The following GDAP2 variants were observed in gnomAD, a reference collection of about 807,000 sequenced individuals.
GDAP2 encodes the protein ganglioside induced differentiation associated protein 2, also known as ganglioside-induced differentiation-associated protein 2.
In GDAP2, 51 loss-of-function variants were observed where a neutral mutation model predicts 67.0. That is an observed-to-expected ratio of 0.76 (90% CI 0.61 to 0.96). The LOEUF is 0.96. GDAP2 is among the 40% of genes least tolerant of loss of function. GDAP2 has a pLI of 0.00. For synonymous variants in GDAP2, 203 were observed against 207.3 expected, an observed-to-expected ratio of 0.98 and a Z score of 0.18; for missense variants, 547 against 588.3, an observed-to-expected ratio of 0.93 and a Z score of 0.73.
At chr1:117,896,712 A>T in intron 8 of GDAP2, 121 bp downstream of exon 8, 2 of 636,112 alleles carry the variant, frequency 3.1e-6, no homozygotes, top group Non-Finnish European at 5.1e-6. Context: ...TTCCTCACTG[A>T]TTGTCATGAA....
chr1:117,925,400 C>T (rs1374085590), intron 1 of GDAP2, among the ~76,000 whole-genome samples: 1 of 152,086 alleles, frequency 6.6e-6, no homozygotes, highest in East Asian at 1.9e-4. Context: ...TTGCAGTGAG[C>T]TGAGATCACA....
chr1:117,928,519 C>A (rs562736460), intron 1 of GDAP2, among the ~76,000 whole-genome samples: 20 of 152,282 alleles, frequency 1.3e-4, no homozygotes, highest in African/African-American at 4.6e-4. Flanking sequence ...TAGTTTGTGG[C>A]CACAATTTCT....
intron 5 of GDAP2, 44 bp downstream of exon 5, chr1:117,911,950 T>A (rs1344483073): frequency 1.7e-6 from 2 of 1,173,174 alleles, no homozygotes; most frequent in African/African-American, 1.5e-5. Context: ...ATTTAAAAAA[T>A]TTTTAAGATT....
At chr1:117,890,448 T>C (rs1034121869) in intron 8 of GDAP2, among the ~76,000 whole-genome samples, 5 of 152,040 alleles carry the variant, frequency 3.3e-5, no homozygotes, top group African/African-American at 1.2e-4. Flanking sequence ...TTCAATGAAC[T>C]CTGAAAAAAA....
intron 1 of GDAP2, among the ~76,000 whole-genome samples, chr1:117,925,040 T>C (rs1557812708): frequency 6.6e-6 from 1 of 152,222 alleles, no homozygotes; most frequent in Non-Finnish European, 1.5e-5. Flanking sequence ...ACAAATCCAT[T>C]AAACACAAAC....
intron 8 of GDAP2, among the ~76,000 whole-genome samples, chr1:117,889,987 T>C (rs1649010682): frequency 6.6e-6 from 1 of 152,116 alleles, no homozygotes; most frequent in Non-Finnish European, 1.5e-5. Context: ...AATGAAATAA[T>C]AAACATGAGT....
chr1:117,923,199 T>C (rs1233031591), intron 1 of GDAP2, among the ~76,000 whole-genome samples: 1 of 152,200 alleles, frequency 6.6e-6, no homozygotes, highest in Admixed American at 6.5e-5. Context: ...ACACATGCTC[T>C]ACAAACAATT....
intron 3 of GDAP2, among the ~76,000 whole-genome samples, chr1:117,913,031 T>A (rs1025493083): frequency 1.4e-4 from 21 of 152,152 alleles, no homozygotes; most frequent in African/African-American, 4.8e-4. Flanking sequence ...AGCAAGTTGA[T>A]CTGTACTGAA....
At chr1:117,918,447 T>C (rs1650123548) in intron 3 of GDAP2, 150 bp downstream of exon 3, 1 of 606,598 alleles carries the variant, frequency 1.6e-6, no homozygotes, top group Admixed American at 3.1e-5. Context: ...TTTGTTAAAA[T>C]GGAGCTTTCA....
chr1:117,880,022 C>A (rs1167254885), intron 12 of GDAP2, among the ~76,000 whole-genome samples: 1 of 151,864 alleles, frequency 6.6e-6, no homozygotes, highest in East Asian at 1.9e-4. Context: ...TATAAAAATA[C>A]AAAATAAAAA....
In GDAP2 at chr1:117,876,875, A is replaced by G. The variant is rs150106620; in HGVS notation, c.1446+1134T>C. 4.0e-3 allele frequency among the ~76,000 whole-genome samples: 605 copies of G among 152,348 alleles called. 7 individuals carry two copies. The highest frequency in any genetic ancestry group is 0.014 in the African/African-American group (583 of 41,582). On this transcript the variant is annotated intron_variant, in intron 13 of 13. Transcript: ENST00000369443. ...TAAATGATAAATCCAGATACTAGCT[A>G]TGAATTGTCTTCAAAATTTTGAGTG... is the stretch of plus-strand genomic sequence containing the variant.
intron 8 of GDAP2, among the ~76,000 whole-genome samples, chr1:117,894,104 G>C (rs1184297138): frequency 6.6e-6 from 1 of 151,718 alleles, no homozygotes; most frequent in Admixed American, 6.6e-5. Flanking sequence ...AACACTGTGA[G>C]AGAATGTGAA....
At chr1:117,918,501 T>C (rs1650125668) in intron 3 of GDAP2, 96 bp downstream of exon 3, 3 of 836,308 alleles carry the variant, frequency 3.6e-6, no homozygotes, top group Non-Finnish European at 5.8e-6. Context: ...AACAGCTACA[T>C]CTACAAAATT....
At chr1:117,892,071 GA>G (rs1649106464) in intron 8 of GDAP2, among the ~76,000 whole-genome samples, 1 of 152,084 alleles carries the variant, frequency 6.6e-6, no homozygotes, top group African/African-American at 2.4e-5. Flanking sequence ...TAAAAGGTTA[GA>G]ATCACTGCTG....
chr1:117,871,762 T>C (rs1198221691), intron 13 of GDAP2, among the ~76,000 whole-genome samples: 13 of 151,800 alleles, frequency 8.6e-5, no homozygotes, highest in Non-Finnish European at 1.5e-4. Flanking sequence ...ATAAAAAAAA[T>C]AGGTAGAAAC....
intron 5 of GDAP2, among the ~76,000 whole-genome samples, chr1:117,908,574 G>T (rs555216357): frequency 2.4e-4 from 36 of 152,236 alleles, no homozygotes; most frequent in African/African-American, 8.4e-4. Flanking sequence ...TATAATCCCA[G>T]CACTTTGGGA....
chr1:117,906,541 C>T lies in GDAP2; in HGVS notation c.601G>A (p.Glu201Lys). ...TCAGAGACAGCAAATACTACTTTTT[C>T]AATGGTTTCCCCATGAATCTCTAGG... ...RFLEIHGETIEKVVFAVSDLE... is the reference protein window; with the variant it reads ...RFLEIHGETIKKVVFAVSDLE... Residue 201 changes from glutamate (E) to lysine (K), a missense_variant, in exon 6 of 14, where the codon GAA (glutamate) becomes AAA (lysine). Physicochemically the swap from Glu to Lys is moderately conservative, Grantham distance 56. Coordinates refer to ENST00000369443, the MANE Select transcript of GDAP2 (RefSeq NM_017686.4). The T allele has an allele frequency of 6.3e-7, 1 of 1,580,156 alleles. No homozygotes were observed. The highest frequency in any genetic ancestry group is 1.1e-5 in the South Asian group (1 of 89,682).
intron 10 of GDAP2, among the ~76,000 whole-genome samples, chr1:117,885,441 G>A (rs1648819541): frequency 1.3e-5 from 2 of 152,130 alleles, no homozygotes; most frequent in African/African-American, 4.8e-5. Context: ...GAAGGTCAAT[G>A]TAGATACAAA....
chr1:117,878,175 T>A, intron 12 of GDAP2, 23 bp from the exon 13 acceptor site: 1 of 1,308,030 alleles, frequency 7.6e-7, no homozygotes, highest in East Asian at 2.4e-5. Context: ...AGAGAAAAAA[T>A]AATTTAAGCT....
Sources: gnomAD v4.1 joint callset for allele counts (sites outside exome capture counted in the v4.1 genomes callset) on GRCh38, gnomAD v4.1.1 for gene constraint, MANE v1.5 for transcripts, NCBI Gene and HGNC (gene_info 2026-07-23, HGNC 2026-07-21) for gene names.